CDH18: variants seen among roughly 807,000 people sequenced by gnomAD.
The protein encoded by CDH18 is cadherin 18, also known as cadherin-18.
A neutral mutation model predicts 67.9 loss-of-function variants in CDH18; 31 were observed. The ratio of observed to expected loss-of-function variants is 0.46; its 90% confidence interval spans 0.34 to 0.62. The LOEUF is 0.62. CDH18 is among the 20% of genes least tolerant of loss of function. CDH18 has a pLI of 0.01. For synonymous variants in CDH18, 362 were observed against 347.2 expected (o/e 1.04, Z -0.48); for missense variants, 890 against 975.5 (o/e 0.91, Z 1.17).
At chr5:20,419,576 C>T (rs1018796343) in intron 1 of CDH18, among the ~76,000 whole-genome samples, 8 of 146,048 alleles carry the variant, frequency 5.5e-5, no homozygotes, top group Non-Finnish European at 1.0e-4. Flanking sequence ...CCCGGGTTCA[C>T]GCTATTCTCC....
At chr5:19,645,798 C>T (rs1019584232) in intron 5 of CDH18, among the ~76,000 whole-genome samples, 5 of 151,998 alleles carry the variant, frequency 3.3e-5, no homozygotes, top group Non-Finnish European at 7.4e-5. Flanking sequence ...CCAACGCTAT[C>T]GATGAGGTGA....
intron 2 of CDH18, among the ~76,000 whole-genome samples, chr5:19,950,232 G>A (rs1795661972): frequency 6.6e-6 from 1 of 152,008 alleles, no homozygotes; most frequent in African/African-American, 2.4e-5. Flanking sequence ...AACCTGGATG[G>A]AGTTAGAAAC....
At chr5:20,290,700 G>A (rs1308658656) in intron 1 of CDH18, among the ~76,000 whole-genome samples, 1 of 152,144 alleles carries the variant, frequency 6.6e-6, no homozygotes, top group Non-Finnish European at 1.5e-5. Flanking sequence ...AAGGTGATAT[G>A]TTCAAAGCCA....
intron 1 of CDH18, among the ~76,000 whole-genome samples, chr5:20,481,739 A>T (rs746106461): frequency 7.2e-5 from 11 of 152,134 alleles, no homozygotes; most frequent in Non-Finnish European, 1.5e-4. Flanking sequence ...AGAAAATTTT[A>T]AAAATTCTTG....
At chr5:19,650,235 G>A (rs889098650) in intron 5 of CDH18, among the ~76,000 whole-genome samples, 2 of 151,800 alleles carry the variant, frequency 1.3e-5, no homozygotes, top group African/African-American at 4.8e-5. Flanking sequence ...TTTCTATGTA[G>A]TACACTTTGG....
At chr5:19,579,693 T>C (rs1320106338) in intron 7 of CDH18, among the ~76,000 whole-genome samples, 1 of 151,842 alleles carries the variant, frequency 6.6e-6, no homozygotes, top group Non-Finnish European at 1.5e-5. Flanking sequence ...TTATTACTAA[T>C]AAATTTTTTT....
At position 20,184,528 on chromosome 5, in the gene CDH18, T is replaced by C. The variant is rs117954021; in HGVS notation, c.-518+70916A>G. 3.0e-4 allele frequency among the ~76,000 whole-genome samples: 46 copies of C among 152,230 alleles called. 2 individuals carry two copies. In the East Asian group the frequency reaches 8.3e-3, roughly 28 times the overall value. ...CCTCTGCATATCACTGTTTCTGTGA[T>C]AAGAAATAATGAAAATGACTATAAG... On this transcript the variant is annotated intron_variant, in intron 2 of 14. Coordinates refer to the CDH18 transcript ENST00000507958.
At chr5:20,164,867 A>G (rs922455684) in intron 2 of CDH18, among the ~76,000 whole-genome samples, 1 of 152,178 alleles carries the variant, frequency 6.6e-6, no homozygotes, top group Non-Finnish European at 1.5e-5. Context: ...CCCATCTCAT[A>G]TTGTTGTTGA....
At chr5:19,554,932 A>G (rs763256211) in intron 8 of CDH18, among the ~76,000 whole-genome samples, 1 of 152,180 alleles carries the variant, frequency 6.6e-6, no homozygotes, top group Non-Finnish European at 1.5e-5. Flanking sequence ...TCAAGTTAAC[A>G]CTTTGGAACA....
At chr5:19,588,706 T>G (rs922753969) in intron 7 of CDH18, among the ~76,000 whole-genome samples, 3 of 151,522 alleles carry the variant, frequency 2.0e-5, no homozygotes, top group Non-Finnish European at 4.4e-5. Context: ...TGAAGAAAAA[T>G]TTACCAAGCA....
chr5:20,038,880 A>C (rs1252663197), intron 2 of CDH18, among the ~76,000 whole-genome samples: 1 of 152,132 alleles, frequency 6.6e-6, no homozygotes, highest in Non-Finnish European at 1.5e-5. Context: ...CAAGTATTGA[A>C]ATAGGAAAAC....
intron 2 of CDH18, among the ~76,000 whole-genome samples, chr5:19,980,315 A>C (rs964514682): frequency 6.6e-6 from 1 of 152,184 alleles, no homozygotes; most frequent in African/African-American, 2.4e-5. Flanking sequence ...TGACACAAAC[A>C]AATGGACTCA....
chr5:19,987,289 C>T (rs890140517), intron 1 of CDH18, among the ~76,000 whole-genome samples: 5 of 151,030 alleles, frequency 3.3e-5, no homozygotes, highest in Admixed American at 1.3e-4. Context: ...CACACACACA[C>T]GCATAAGGCA....
At chr5:20,277,821 A>C (rs146069834) in intron 1 of CDH18, among the ~76,000 whole-genome samples, 231 of 152,274 alleles carry the variant, frequency 1.5e-3, no homozygotes, top group African/African-American at 5.3e-3. Flanking sequence ...AAGAGATTTA[A>C]ATGATTAAAA....
At position 19,472,941 on chromosome 5, in the gene CDH18, A is replaced by G. The variant is rs943195543; in HGVS notation, c.*285T>C. 10 of 282,534 alleles carry G rather than the reference A, an allele frequency of 3.5e-5. No individual in the cohort carries two copies. The highest frequency in any genetic ancestry group is 6.6e-5 in the Non-Finnish European group (10 of 150,552). 17.5% of individuals were successfully genotyped at this position (282,534 alleles called of 1,614,324 possible). ...TGAAACAAATATCATTGTTTGGCTT[A>G]ATTCAGGTATTCTTAATAAACAGTA... On this transcript the variant is annotated 3_prime_UTR_variant, in exon 13 of 13. Coordinates refer to ENST00000382275, the MANE Select transcript of CDH18 (RefSeq NM_004934.5).
intron 2 of CDH18, among the ~76,000 whole-genome samples, chr5:20,172,214 A>ATATATACATATATATATATATACG (rs1561848553): frequency 2.1e-4 from 7 of 32,848 alleles, no homozygotes; most frequent in South Asian, 9.2e-4. Flanking sequence ...ATATATATAT[A>ATATATACATATATATATATATACG]TATATATATG....
chr5:19,874,919 A>G (rs1786764413), intron 2 of CDH18, among the ~76,000 whole-genome samples: 2 of 152,312 alleles, frequency 1.3e-5, no homozygotes, highest in South Asian at 2.1e-4. Context: ...GTCACACACC[A>G]TAAGTGCCCT....
At chr5:20,357,985 T>C (rs985566291) in intron 1 of CDH18, among the ~76,000 whole-genome samples, 4 of 152,146 alleles carry the variant, frequency 2.6e-5, no homozygotes, top group Non-Finnish European at 5.9e-5. Flanking sequence ...AATGAAATCA[T>C]GTCCTTTGCA....
At chr5:20,153,706 G>A (rs758950314) in intron 2 of CDH18, among the ~76,000 whole-genome samples, 1 of 152,192 alleles carries the variant, frequency 6.6e-6, no homozygotes, top group Non-Finnish European at 1.5e-5. Flanking sequence ...TCTTCACAGT[G>A]TGTCCTCACA....
Sources: allele counts gnomAD v4.1 joint callset (sites outside exome capture counted in the v4.1 genomes callset), GRCh38; gene constraint gnomAD v4.1.1; transcripts MANE v1.5; gene names NCBI Gene and HGNC (gene_info 2026-07-23, HGNC 2026-07-21).